EGFL6: variants seen among roughly 807,000 people sequenced by gnomAD.
EGFL6 encodes epidermal growth factor-like protein 6.
In EGFL6, 42 loss-of-function variants were observed where a neutral mutation model predicts 43.1. That is an observed-to-expected ratio of 0.98 (90% CI 0.76 to 1.26). EGFL6 has a LOEUF of 1.26. EGFL6 is among the 50% of genes most tolerant of loss of function. EGFL6 has a pLI of 0.00. For missense variants in EGFL6, 429 were observed against 427.8 expected, an observed-to-expected ratio of 1.00 and a Z score of -0.02; for synonymous variants, 164 against 163.2, an observed-to-expected ratio of 1.01 and a Z score of -0.04.
chrX:13,598,902 CAT>C (rs1231622078), intron 3 of EGFL6, among the ~76,000 whole-genome samples: 19 of 101,564 alleles, frequency 1.9e-4, no homozygotes, highest in African/African-American at 6.4e-4. Context: ...ATATATAATT[CAT>C]ATATATATTT....
At chrX:13,600,556 G>A (rs1307215141) in intron 4 of EGFL6, among the ~76,000 whole-genome samples, 2 of 107,098 alleles carry the variant, frequency 1.9e-5, no homozygotes, top group Admixed American at 2.0e-4. Flanking sequence ...CAAAGTCCTG[G>A]GATTACAGGC....
At chrX:13,623,539 A>G (rs779886047) in intron 9 of EGFL6, among the ~76,000 whole-genome samples, 85 of 106,936 alleles carry the variant, frequency 7.9e-4, no homozygotes, top group Middle Eastern at 4.7e-3. Flanking sequence ...ATGCCCAGCT[A>G]ATTTTTGTAT....
At chrX:13,616,783 C>T (rs144685973) in intron 7 of EGFL6, among the ~76,000 whole-genome samples, 2 of 111,422 alleles carry the variant, frequency 1.8e-5, no homozygotes, top group Non-Finnish European at 3.8e-5. Flanking sequence ...GTACCTCTTG[C>T]GTTCTTCGAC....
At chrX:13,612,951 C>G (rs2045699553) in intron 7 of EGFL6, among the ~76,000 whole-genome samples, 1 of 109,310 alleles carries the variant, frequency 9.1e-6, no homozygotes, top group Non-Finnish European at 1.9e-5. Context: ...GCAAGACCAG[C>G]CTGGGCAACA....
At chrX:13,611,502 G>A (rs1193425509) in intron 7 of EGFL6, among the ~76,000 whole-genome samples, 2 of 112,333 alleles carry the variant, frequency 1.8e-5, no homozygotes, top group Middle Eastern at 4.6e-3. Flanking sequence ...AAGGCCCAGA[G>A]TAAACCTGGA....
intron 9 of EGFL6, among the ~76,000 whole-genome samples, chrX:13,621,818 G>T (rs1009878075): frequency 3.6e-5 from 4 of 112,564 alleles, no homozygotes; most frequent in African/African-American, 1.3e-4. Flanking sequence ...GGCAGGTGTG[G>T]ATTAAACCAG....
chrX:13,607,271 G>A (rs2045665679), intron 6 of EGFL6, among the ~76,000 whole-genome samples: 1 of 111,242 alleles, frequency 9.0e-6, no homozygotes, highest in Non-Finnish European at 1.9e-5. Context: ...GCTCTCTGTG[G>A]ATTTCTCTGC....
At chrX:13,576,217 G>C (rs894951635) in intron 1 of EGFL6, among the ~76,000 whole-genome samples, 8 of 112,048 alleles carry the variant, frequency 7.1e-5, no homozygotes, top group African/African-American at 2.6e-4. Flanking sequence ...CATGGCAGAA[G>C]GTGAAGCGGG....
chrX:13,607,649 G>A (rs933947792), intron 6 of EGFL6, among the ~76,000 whole-genome samples: 1 of 112,232 alleles, frequency 8.9e-6, no homozygotes, highest in African/African-American at 3.2e-5. Flanking sequence ...CACATGGAAA[G>A]GTTCAAAAGG....
At chrX:13,598,580 GTTGTTGTTGTTT>G (rs2045613433) in intron 3 of EGFL6, among the ~76,000 whole-genome samples, 1 of 108,556 alleles carries the variant, frequency 9.2e-6, no homozygotes, top group Non-Finnish European at 1.9e-5. Context: ...TGTTGTTGTT[GTTGTTGTTGTTT>G]TAGAAAACAA....
At chrX:13,627,711 G>A (rs944635034) in intron 11 of EGFL6, among the ~76,000 whole-genome samples, 1 of 111,788 alleles carries the variant, frequency 8.9e-6, no homozygotes, top group Non-Finnish European at 1.9e-5. Flanking sequence ...CCACCCTTAG[G>A]TTCAGTGATT....
At chrX:13,598,487 A>G (rs1351071192) in intron 3 of EGFL6, among the ~76,000 whole-genome samples, 1 of 111,315 alleles carries the variant, frequency 9.0e-6, no homozygotes, top group Non-Finnish European at 1.9e-5. Flanking sequence ...TCCTCTACAG[A>G]TAATCCTTTT....
intron 4 of EGFL6, among the ~76,000 whole-genome samples, chrX:13,600,908 C>G (rs777951758): frequency 5.5e-5 from 6 of 109,800 alleles, no homozygotes; most frequent in Non-Finnish European, 1.1e-4. Flanking sequence ...TCACCCCTAT[C>G]GAGTTCCAGA....
At chrX:13,587,143 A>G (rs2045537962) in intron 1 of EGFL6, among the ~76,000 whole-genome samples, 1 of 112,392 alleles carries the variant, frequency 8.9e-6, no homozygotes, top group African/African-American at 3.2e-5. Flanking sequence ...TTCTGGAACT[A>G]AATAGAAGTG....
intron 1 of EGFL6, among the ~76,000 whole-genome samples, chrX:13,577,325 TATATATATATATATATAC>T (rs1569200995): frequency 0.03 from 514 of 17,215 alleles, 6 homozygotes; most frequent in African/African-American, 0.071. Context: ...TATATATATA[TATATATATATATATATAC>T]ATACACACAC....
chrX:13,600,949 C>G (rs1399103164), intron 4 of EGFL6, among the ~76,000 whole-genome samples: 1 of 110,211 alleles, frequency 9.1e-6, no homozygotes, highest in Non-Finnish European at 1.9e-5. Context: ...GGAAACCAGA[C>G]CCAGTCACTC....
chrX:13,593,883 T>C (rs1175182595), intron 2 of EGFL6, among the ~76,000 whole-genome samples: 1 of 111,442 alleles, frequency 9.0e-6, no homozygotes, highest in African/African-American at 3.3e-5. Flanking sequence ...TAGGCTTTCT[T>C]AGAGGTGGAC....
At chrX:13,624,618 T>C (rs2045768389) in intron 10 of EGFL6, among the ~76,000 whole-genome samples, 1 of 111,948 alleles carries the variant, frequency 8.9e-6, no homozygotes, top group South Asian at 3.7e-4. Flanking sequence ...ACAAATTGAA[T>C]CTCTGTCTCC....
chrX:13,623,468 C>T (rs1033855863), intron 9 of EGFL6, among the ~76,000 whole-genome samples: 10 of 95,480 alleles, frequency 1.0e-4, no homozygotes, highest in African/African-American at 4.0e-4. Context: ...CAACCTCCAC[C>T]TCCTGGGTGA....
Sources: allele counts gnomAD v4.1 joint callset (sites outside exome capture counted in the v4.1 genomes callset), GRCh38; gene constraint gnomAD v4.1.1; transcripts MANE v1.5; gene names NCBI Gene and HGNC (gene_info 2026-07-23, HGNC 2026-07-21).